ABCC5: variants seen among roughly 807,000 people sequenced by gnomAD.
ABCC5 encodes ATP-binding cassette sub-family C member 5.
In ABCC5, 61 loss-of-function variants were observed where a neutral mutation model predicts 160.9. The ratio of observed to expected loss-of-function variants is 0.38; its 90% CI spans 0.31 to 0.47. The LOEUF (loss-of-function observed/expected upper bound fraction) is 0.47, where lower values mean the gene tolerates loss of function less well. ABCC5 is among the 20% of genes least tolerant of loss of function. The probability of loss-of-function intolerance (pLI) is 0.99; values close to 1 mark genes in which losing one functional copy is unlikely to be tolerated. For synonymous variants in ABCC5, 666 were observed against 700.6 expected, an observed-to-expected ratio of 0.95 and a Z score of 0.78; for missense variants, 1,308 against 1,813.3, an observed-to-expected ratio of 0.72 and a Z score of 5.06.
At chr3:183,967,082 G>A (rs553401432) in intron 12 of ABCC5, among the ~76,000 whole-genome samples, 2 of 151,376 alleles carry the variant, frequency 1.3e-5, no homozygotes, top group African/African-American at 4.9e-5. Context: ...GATGACTCCG[G>A]CCCCATCCTG....
At chr3:183,973,697 A>G (rs1717969967) in intron 10 of ABCC5, among the ~76,000 whole-genome samples, 1 of 151,870 alleles carries the variant, frequency 6.6e-6, no homozygotes, top group South Asian at 2.1e-4. Flanking sequence ...GATAATCTTC[A>G]CTCTCGAGTA....
Position 183,981,614 on chromosome 3 carries a change from C to T in ABCC5, c.1147+113G>A, listed in dbSNP as rs1028499180. The T allele has an allele frequency of 6.8e-6, 8 of 1,177,972 alleles. No individual in the cohort carries two copies. The Admixed American group carries it at 1.6e-4, about 24-fold the overall frequency. 73.0% of individuals were successfully genotyped at this position (1,177,972 alleles called of 1,614,324 possible). ...TTCTATGATATTATGTCCTACGATA[C>T]TAGACACTAGTCCTAGTACGTAATG... On this transcript the variant is annotated intron_variant, in intron 8 of 29. Transcript: ENST00000334444.
Position 183,982,852 on chromosome 3 carries a change from G to A in ABCC5, c.747C>T (p.Arg249=). Residue 249 remains arginine, a synonymous_variant, in exon 6 of 30, where the codon CGC becomes CGT. Coordinates refer to ENST00000334444, the MANE Select transcript of ABCC5 (RefSeq NM_005688.4). This position sits in a 1 kb window ranked among gnomAD's most constrained non-coding sequence, Gnocchi z 5.2. ...CCATGGTTAGGATGGCCCCCCGCAA[G>A]CGGACACCGGTTCGGTAATTCAATG... is the stretch of plus-strand genomic sequence containing the variant. ...TWALNYRTGV[R]LRGAILTMAF... is the part of the protein sequence containing the mutation. 6.2e-7 allele frequency: 1 copy of A among 1,614,236 alleles called. No individual in the cohort carries two copies. Among genetic ancestry groups the A allele is most frequent in the East Asian group, 2.2e-5 (1 of 44,884 alleles).
intron 18 of ABCC5, among the ~76,000 whole-genome samples, chr3:183,952,294 G>A (rs1260013746): frequency 1.3e-5 from 2 of 151,996 alleles, no homozygotes; most frequent in South Asian, 4.1e-4. Flanking sequence ...TTACAGGTGT[G>A]CACCACCATG....
chr3:183,959,353 C>T (rs1353089704), intron 17 of ABCC5, among the ~76,000 whole-genome samples: 8 of 152,126 alleles, frequency 5.3e-5, no homozygotes. Context: ...CACAGATATT[C>T]TTAGAGCCAG....
chr3:183,951,293 G>A lies in ABCC5; in HGVS notation c.2944+148C>T. 2 of 1,007,242 alleles carry A rather than the reference G, an allele frequency of 2.0e-6. No homozygotes were observed. The highest frequency in any genetic ancestry group is 2.8e-6 in the Non-Finnish European group (2 of 708,842). 62.4% of individuals were successfully genotyped at this position (1,007,242 alleles called of 1,614,324 possible). A position where few individuals can be genotyped will look rare whatever the true frequency, so the allele number is the denominator to read the frequency against. Reference sequence around the variant, plus strand: ...TTTCAGGTCAAACAAGACAGAAAATGCAGTTGCAATGTTCCTGGTGAAAAC... The same window carrying A: ...TTTCAGGTCAAACAAGACAGAAAATACAGTTGCAATGTTCCTGGTGAAAAC... On this transcript the variant is annotated intron_variant, in intron 20 of 29. Transcript: ENST00000334444. The surrounding 1 kb of genome is among the most constrained non-coding windows in gnomAD (Gnocchi z 4.7).
chr3:183,938,070 C>G lies in ABCC5; in HGVS notation c.3695-10G>C. On this transcript the variant is annotated splice_polypyrimidine_tract_variant and intron_variant, in intron 25 of 29. Coordinates refer to ENST00000334444, the MANE Select transcript of ABCC5 (RefSeq NM_005688.4). ...CCCAGCGAGGACTTCCCTGATGAGT[C>G]AGAAGACATGCAAGAGAGGAGCTGT... 1 of 1,613,184 alleles carries G rather than the reference C, an allele frequency of 6.2e-7. No individual in the cohort carries two copies. The highest frequency in any genetic ancestry group is 1.7e-5 in the Admixed American group (1 of 59,980).
At chr3:184,011,621 T>C (rs1045039727) in intron 2 of ABCC5, among the ~76,000 whole-genome samples, 1 of 152,214 alleles carries the variant, frequency 6.6e-6, no homozygotes, top group Non-Finnish European at 1.5e-5. Flanking sequence ...CCTTTATGTA[T>C]AATTGCCATT....
Position 183,950,068 on chromosome 3 carries a change from A to T in ABCC5, c.3002T>A (p.Phe1001Tyr). 3 of 1,614,174 alleles carry T rather than the reference A, an allele frequency of 1.9e-6. No homozygotes were observed. Among genetic ancestry groups the T allele is most frequent in the Middle Eastern group, 3.3e-4 (2 of 6,062 alleles). Reference protein sequence around the residue: ...EMFIQNVILVFFCVGMIAGVF... With the variant: ...EMFIQNVILVYFCVGMIAGVF... Reference sequence around the variant, plus strand: ...TCCTGCGATCATTCCCACACAGAAGAACACCAGGATAACGTTCTGGATGAA... The same window carrying T: ...TCCTGCGATCATTCCCACACAGAAGTACACCAGGATAACGTTCTGGATGAA... Residue 1001 changes from phenylalanine (F) to tyrosine (Y), a missense_variant, in exon 21 of 30, where the codon TTC becomes TAC. Around this residue, in one of 3 missense-constraint regions of ABCC5, gnomAD observed 1,142 missense variants for 1,527.1 expected, o/e 0.75. Transcript: ENST00000334444.
chr3:183,949,975 G>C lies in ABCC5; in HGVS notation c.3095C>G (p.Ser1032Cys). The C allele has an allele frequency of 6.2e-7, 1 of 1,614,072 alleles. No individual in the cohort carries two copies. Among genetic ancestry groups the C allele is most frequent in the Non-Finnish European group, 8.5e-7 (1 of 1,180,006 alleles). Residue 1032 changes from serine to cysteine, a missense_variant, in exon 21 of 30, where the codon TCC (serine) becomes TGC (cysteine). By Grantham distance (112) the Ser-to-Cys change is moderately radical. Around this residue, in one of 3 missense-constraint regions of ABCC5, gnomAD observed 1,142 missense variants for 1,527.1 expected, o/e 0.75. Transcript: ENST00000334444. This position sits in a 1 kb window ranked among gnomAD's most constrained non-coding sequence, Gnocchi z 4.2. The part of the protein sequence containing the change: ...VILFSVLHIV[S>C]RVLIRELKRL... Reference sequence around the variant, plus strand: ...GACATGAACGCTTCCTATTTACCTGGAGACAATGTGCAGGACTGAAAAGAG... The same window carrying C: ...GACATGAACGCTTCCTATTTACCTGCAGACAATGTGCAGGACTGAAAAGAG...
chr3:183,938,942 G>T (rs966688058), intron 25 of ABCC5, among the ~76,000 whole-genome samples: 3 of 152,160 alleles, frequency 2.0e-5, no homozygotes, highest in African/African-American at 7.2e-5. Flanking sequence ...AAGCAGGTTT[G>T]GGGGATCAGT....
intron 10 of ABCC5, among the ~76,000 whole-genome samples, chr3:183,975,382 C>T (rs1037126577): frequency 6.6e-6 from 1 of 151,966 alleles, no homozygotes; most frequent in African/African-American, 2.4e-5. Context: ...CGCTGTGTTG[C>T]CCAGGCTGGA....
chr3:184,009,449 T>G (rs1721511757), intron 2 of ABCC5, among the ~76,000 whole-genome samples: 1 of 152,200 alleles, frequency 6.6e-6, no homozygotes, highest in African/African-American at 2.4e-5. Context: ...AAAAACTATA[T>G]GCTTATACAG....
chr3:183,976,277 AAG>A (rs2108843711), intron 10 of ABCC5, among the ~76,000 whole-genome samples: 1 of 151,954 alleles, frequency 6.6e-6, no homozygotes, highest in African/African-American at 2.4e-5. Context: ...AAACACAGAT[AAG>A]AGTCTCATTC....
chr3:183,950,820 T>C (rs1715277502), intron 20 of ABCC5, among the ~76,000 whole-genome samples: 1 of 152,184 alleles, frequency 6.6e-6, no homozygotes, highest in South Asian at 2.1e-4. Context: ...ACCCCTTCCA[T>C]GAAGGCAGCT....
chr3:183,975,207 TAATA>T (rs1718106840), intron 10 of ABCC5, among the ~76,000 whole-genome samples: 1 of 152,120 alleles, frequency 6.6e-6, no homozygotes, highest in East Asian at 1.9e-4. Flanking sequence ...CTCAGAAACA[TAATA>T]AACAGTTGCC....
At chr3:183,955,321 C>T (rs1715771715) in intron 17 of ABCC5, among the ~76,000 whole-genome samples, 1 of 152,174 alleles carries the variant, frequency 6.6e-6, no homozygotes, top group African/African-American at 2.4e-5. Context: ...TATCTTACAG[C>T]TACAAAGAGA....
intron 25 of ABCC5, 77 bp from the exon 26 acceptor site, chr3:183,938,137 A>T: frequency 7.2e-7 from 1 of 1,386,806 alleles, no homozygotes; most frequent in Non-Finnish European, 1.0e-6. Context: ...GCCTCAGGGC[A>T]ATGCCAACTA....
rs548366681 is a variant in ABCC5 at position 184,014,295 on chromosome 3, C to A, written c.98G>T (p.Arg33Leu). 3 of 1,613,932 alleles carry A rather than the reference C, an allele frequency of 1.9e-6. No individual in the cohort carries two copies. The South Asian group carries it at 3.3e-5, about 18-fold the overall frequency. The change falls in exon 2 of 30, where the codon CGT becomes CTT. Residue 33 changes from arginine (R) to leucine (L), a missense_variant. Around this residue, in one of 3 missense-constraint regions of ABCC5, gnomAD observed 1,142 missense variants for 1,527.1 expected, o/e 0.75. Transcript: ENST00000334444. ...RTSTSGTHRD[R>L]EDSKFRRTRP... is the part of the protein sequence containing the mutation. ...AGTTCTCCTGAACTTGGAATCTTCACGGTCTCTGTGCGTCCCAGAAGTGCT... is the reference window on the plus strand; with the variant it reads ...AGTTCTCCTGAACTTGGAATCTTCAAGGTCTCTGTGCGTCCCAGAAGTGCT...
Sources: gnomAD v4.1 joint callset for allele counts (sites outside exome capture counted in the v4.1 genomes callset) on GRCh38, gnomAD v4.1.1 for gene constraint, gnomAD v4.1.1 regional missense constraint, Gnocchi (gnomAD v3.1) non-coding constraint, MANE v1.5 for transcripts, NCBI Gene and HGNC (gene_info 2026-07-23, HGNC 2026-07-21) for gene names.